C6orf132: variants seen among roughly 807,000 people sequenced by gnomAD.
C6orf132 encodes the protein chromosome 6 open reading frame 132.
C6orf132 carries 43 observed loss-of-function variants against 65.3 expected under a neutral mutation model. The observed-to-expected ratio is 0.66, with a 90% CI of 0.52 to 0.85. The LOEUF (loss-of-function observed/expected upper bound fraction) is 0.85. Among genes scored for constraint, C6orf132 ranks in the 40% least tolerant of loss-of-function variants. The probability of loss-of-function intolerance (pLI) is 0.00; values close to 1 mark genes in which losing one functional copy is unlikely to be tolerated. For synonymous variants in C6orf132, 631 were observed against 654.1 expected (o/e 0.96, Z 0.54); for missense variants, 1,488 against 1,548.8 (o/e 0.96, Z 0.66).
chr6:42,135,403 G>A (rs535832496), intron 1 of C6orf132, among the ~76,000 whole-genome samples: 2 of 152,346 alleles, frequency 1.3e-5, no homozygotes, highest in Admixed American at 6.5e-5. Context: ...GCTGGGGTAC[G>A]TGTTAAATGT....
At chr6:42,115,384 T>C (rs59058440) in intron 2 of C6orf132, among the ~76,000 whole-genome samples, 4,763 of 151,734 alleles carry the variant, frequency 0.031, 230 homozygotes, top group African/African-American at 0.11. Flanking sequence ...CAGTGGCTCA[T>C]GCCTGTAATC....
At chr6:42,126,989 C>G (rs1353307270) in intron 2 of C6orf132, 1 of 261,036 alleles carries the variant, frequency 3.8e-6, no homozygotes, top group Non-Finnish European at 7.3e-6. Flanking sequence ...GGGTCTCACT[C>G]TGTCACCCAG....
chr6:42,107,964 G>A (rs1766440124), intron 3 of C6orf132, among the ~76,000 whole-genome samples: 1 of 152,158 alleles, frequency 6.6e-6, no homozygotes, highest in Non-Finnish European at 1.5e-5. Flanking sequence ...CAGGTTGGCA[G>A]CAGCTGTCTT....
intron 2 of C6orf132, among the ~76,000 whole-genome samples, chr6:42,114,742 C>T (rs139553117): frequency 1.3e-5 from 2 of 152,272 alleles, no homozygotes; most frequent in African/African-American, 4.8e-5. Context: ...CAGTGGCTCA[C>T]GCTTGTAATC....
Position 42,106,265 on chromosome 6 carries a change from G to A in C6orf132, c.1647C>T (p.Pro549=), listed in dbSNP as rs1355296673. Residue 549 remains proline (P), a synonymous_variant, in exon 4 of 5, where the codon CCC becomes CCT. Transcript: ENST00000341865. ...AGTCTTGGGGAATGTAGTCCACAGA[G>A]GGCAGGGTCAGGCTGGGGGCAGCCT... ...ETEAAPSLTL[P]SVDYIPQDSP... The A allele has an allele frequency of 6.5e-7, 1 of 1,536,988 alleles. No individual in the cohort carries two copies. The highest frequency in any genetic ancestry group is 1.4e-5 in the African/African-American group (1 of 73,060).
At chr6:42,140,340 G>A (rs1477604270) in intron 1 of C6orf132, among the ~76,000 whole-genome samples, 2 of 152,232 alleles carry the variant, frequency 1.3e-5, no homozygotes, top group Non-Finnish European at 2.9e-5. Context: ...ATGCAGAAGT[G>A]GCTGAGAGGC....
At chr6:42,129,151 G>A (rs551621377) in intron 1 of C6orf132, among the ~76,000 whole-genome samples, 14 of 152,352 alleles carry the variant, frequency 9.2e-5, no homozygotes, top group African/African-American at 3.4e-4. Flanking sequence ...CAGAGAGGGA[G>A]GAAAACAAGC....
chr6:42,110,132 A>G (rs9471765), intron 3 of C6orf132, 84 bp downstream of exon 3: 366,268 of 1,104,734 alleles, frequency 0.33, 64,082 homozygotes, highest in African/African-American at 0.58. Flanking sequence ...ACCAGCTGTG[A>G]AGATGAGCAG....
chr6:42,133,249 G>A (rs904468959), intron 1 of C6orf132, among the ~76,000 whole-genome samples: 1 of 152,258 alleles, frequency 6.6e-6, no homozygotes, highest in Non-Finnish European at 1.5e-5. Flanking sequence ...CGAGGAGGAG[G>A]TGAAGGGGGT....
chr6:42,103,786 C>G lies in C6orf132; in HGVS notation c.3542G>C (p.Gly1181Ala). 1 of 1,462,690 alleles carries G rather than the reference C, an allele frequency of 6.8e-7. No individual in the cohort carries two copies. Among genetic ancestry groups the G allele is most frequent in the Non-Finnish European group, 9.0e-7 (1 of 1,108,762 alleles). 90.6% of individuals were successfully genotyped at this position (1,462,690 alleles called of 1,614,324 possible). ...TRHPISYVCS[G>A]AHRKATS ...TCAGGAGGTGGCTTTCCGATGGGCCCCTGAGCAGACATAGGAGATGGGATG... is the reference window on the plus strand; with the variant it reads ...TCAGGAGGTGGCTTTCCGATGGGCCGCTGAGCAGACATAGGAGATGGGATG... The change falls in exon 5 of 5, where the codon GGG (glycine) becomes GCG (alanine). Residue 1181 changes from glycine (G) to alanine (A), a missense_variant. Gly to Ala is a moderately conservative substitution (Grantham distance 60, BLOSUM62 0). Transcript: ENST00000341865.
intron 1 of C6orf132, 105 bp from the exon 2 acceptor site, chr6:42,128,883 C>A (rs1766810742): frequency 2.6e-6 from 2 of 755,084 alleles, no homozygotes. Context: ...CCAGGGCCTG[C>A]GTGTCTCCCA....
At chr6:42,134,125 G>A (rs1405491571) in intron 1 of C6orf132, among the ~76,000 whole-genome samples, 1 of 152,262 alleles carries the variant, frequency 6.6e-6, no homozygotes, top group Non-Finnish European at 1.5e-5. Flanking sequence ...CCCAGTAGTC[G>A]AACAGCTCCT....
chr6:42,104,577 G>C lies in C6orf132; in HGVS notation c.3335C>G (p.Pro1112Arg), dbSNP rs1766355379. 2 of 1,323,046 alleles carry C rather than the reference G, an allele frequency of 1.5e-6. No homozygotes were observed. The highest frequency in any genetic ancestry group is 1.9e-6 in the Non-Finnish European group (2 of 1,041,282). The allele number at this position is 1,323,046 out of a possible 1,614,324, so 82.0% of individuals were successfully genotyped here. Residue 1112 changes from proline to arginine, a missense_variant, in exon 4 of 5, where the codon CCC becomes CGC. Physicochemically the swap from Pro to Arg is moderately radical, Grantham distance 103. Coordinates refer to ENST00000341865, the MANE Select transcript of C6orf132 (RefSeq NM_001164446.3). The surrounding 1 kb of genome is among the most constrained non-coding windows in gnomAD (Gnocchi z 4.1). The stretch of plus-strand genomic sequence containing the variant: ...CAGCCTCGGCGCGTGCAGGCCTCCG[G>C]GGGGCGCGCGACCCGCCGAGTTCAC... ...RRVNSAGRAPPGGLHAPRLSL... is the reference protein window; with the variant it reads ...RRVNSAGRAPRGGLHAPRLSL...
chr6:42,120,400 C>T (rs1313009914), intron 2 of C6orf132, among the ~76,000 whole-genome samples: 2 of 151,706 alleles, frequency 1.3e-5, no homozygotes, highest in African/African-American at 2.4e-5. Context: ...GCACCCACCA[C>T]CACGTCCAGT....
Position 42,106,517 on chromosome 6 carries a change from G to T in C6orf132, c.1395C>A (p.Ser465Arg). 3 of 1,536,452 alleles carry T rather than the reference G, an allele frequency of 2.0e-6. No individual in the cohort carries two copies. The highest frequency in any genetic ancestry group is 2.6e-6 in the Non-Finnish European group (3 of 1,146,862). The change falls in exon 4 of 5, where the codon AGC (serine) becomes AGA (arginine). Residue 465 changes from serine (S) to arginine (R), a missense_variant. By Grantham distance (110) the Ser-to-Arg change is moderately radical. Coordinates refer to ENST00000341865, the MANE Select transcript of C6orf132 (RefSeq NM_001164446.3). ...SSAPVDWRDP[S>R]QMEKLRNELA... ...GCTCGTTCCGCAGCTTTTCCATCTGGCTGGGGTCCCTCCAGTCCACAGGTG... is the reference window on the plus strand; with the variant it reads ...GCTCGTTCCGCAGCTTTTCCATCTGTCTGGGGTCCCTCCAGTCCACAGGTG...
chr6:42,134,069 G>C (rs1252864838), intron 1 of C6orf132, among the ~76,000 whole-genome samples: 1 of 152,106 alleles, frequency 6.6e-6, no homozygotes, highest in Non-Finnish European at 1.5e-5. Context: ...GAGGCTGCCT[G>C]GGCTGTGAGG....
At chr6:42,112,533 A>T (rs6918588) in intron 2 of C6orf132, among the ~76,000 whole-genome samples, 52,806 of 152,072 alleles carry the variant, frequency 0.35, 9,890 homozygotes, top group African/African-American at 0.49. Flanking sequence ...AATTACCCAT[A>T]GTAGGGAAGC....
rs58496089 is a variant in C6orf132 at position 42,102,221 on chromosome 6, C to CTTTTTTTTTTTT, written c.*1528_*1539dup. The stretch of plus-strand genomic sequence containing the variant: ...CCCTACTGATAGGTCTCCCCTGCTC[C>CTTTTTTTTTTTT]TTTTTTTTTTTTTTTTTTTTTTTTT... On this transcript the variant is annotated 3_prime_UTR_variant, in exon 5 of 5. Coordinates refer to ENST00000341865, the MANE Select transcript of C6orf132 (RefSeq NM_001164446.3). 1.1e-5 allele frequency: 1 copy of CTTTTTTTTTTTT among 92,182 alleles called. No homozygotes were observed. The highest frequency in any genetic ancestry group is 1.9e-5 in the Non-Finnish European group (1 of 51,494). 5.7% of individuals were successfully genotyped at this position (92,182 alleles called of 1,614,324 possible). A position where few individuals can be genotyped will look rare whatever the true frequency, so the allele number is the denominator to read the frequency against.
intron 1 of C6orf132, among the ~76,000 whole-genome samples, chr6:42,141,128 AT>A (rs1366838075): frequency 9.2e-5 from 14 of 152,124 alleles, no homozygotes; most frequent in Non-Finnish European, 1.5e-5. Flanking sequence ...TCACCCCCTG[AT>A]CTGATATCTT....
Sources: gnomAD v4.1 joint callset for allele counts (sites outside exome capture counted in the v4.1 genomes callset) on GRCh38, gnomAD v4.1.1 for gene constraint, Gnocchi (gnomAD v3.1) non-coding constraint, MANE v1.5 for transcripts, NCBI Gene and HGNC (gene_info 2026-07-23, HGNC 2026-07-21) for gene names.